Variants in PTPRD observed in about 807,000 individuals in gnomAD.
The protein encoded by PTPRD is receptor-type tyrosine-protein phosphatase delta.
A neutral mutation model predicts 214.5 loss-of-function variants in PTPRD; 34 were observed. The observed-to-expected ratio is 0.16, with a 90% CI of 0.12 to 0.21. PTPRD has a LOEUF of 0.21. PTPRD is among the 10% of genes least tolerant of loss of function. The pLI, the probability that PTPRD is intolerant of heterozygous loss-of-function variation, is 1.00. For synonymous variants in PTPRD, 1,128 were observed against 845.7 expected, an observed-to-expected ratio of 1.33 and a Z score of -5.79; for missense variants, 2,545 against 2,398.7, an observed-to-expected ratio of 1.06 and a Z score of -1.27.
intron 7 of PTPRD, among the ~76,000 whole-genome samples, chr9:9,702,643 C>T (rs1316845290): frequency 6.6e-6 from 1 of 152,124 alleles, no homozygotes; most frequent in Non-Finnish European, 1.5e-5. Context: ...AAAGATATTT[C>T]AGAAAAACGT....
intron 2 of PTPRD, among the ~76,000 whole-genome samples, chr9:10,520,643 G>C (rs192051479): frequency 1.6e-3 from 241 of 152,206 alleles, no homozygotes; most frequent in African/African-American, 5.6e-3. Context: ...GTCGATGCTT[G>C]GCTTCAAAGC....
At chr9:10,163,917 T>C (rs764650737) in intron 3 of PTPRD, among the ~76,000 whole-genome samples, 13 of 151,530 alleles carry the variant, frequency 8.6e-5, no homozygotes, top group Non-Finnish European at 1.8e-4. Context: ...TTTTATTTCA[T>C]ATTTTGCCAT....
intron 4 of PTPRD, among the ~76,000 whole-genome samples, chr9:10,020,142 T>A (rs2096819303): frequency 6.6e-6 from 1 of 152,180 alleles, no homozygotes; most frequent in African/African-American, 2.4e-5. Flanking sequence ...AATACTATCT[T>A]CTATTTTGAA....
At chr9:9,721,704 A>G (rs1168334747) in intron 7 of PTPRD, among the ~76,000 whole-genome samples, 1 of 152,142 alleles carries the variant, frequency 6.6e-6, no homozygotes, top group Non-Finnish European at 1.5e-5. Flanking sequence ...AAATTATTAA[A>G]GAGATAGACC....
At chr9:8,906,256 G>A (rs772127560) in intron 11 of PTPRD, among the ~76,000 whole-genome samples, 3 of 152,138 alleles carry the variant, frequency 2.0e-5, no homozygotes, top group Non-Finnish European at 2.9e-5. Flanking sequence ...AAGTTTGATA[G>A]CAAGGAGCTA....
At chr9:9,395,384 T>C (rs1004263828) in intron 9 of PTPRD, among the ~76,000 whole-genome samples, 1 of 152,136 alleles carries the variant, frequency 6.6e-6, no homozygotes, top group African/African-American at 2.4e-5. Context: ...AGGCTTCATT[T>C]ACCTTGAGAG....
At chr9:10,468,570 C>G (rs1377497369) in intron 2 of PTPRD, among the ~76,000 whole-genome samples, 1 of 152,068 alleles carries the variant, frequency 6.6e-6, no homozygotes, top group Non-Finnish European at 1.5e-5. Context: ...ATGGGTGCAG[C>G]AAACCACCAT....
At chr9:8,953,958 A>G (rs2099117572) in intron 11 of PTPRD, among the ~76,000 whole-genome samples, 1 of 152,112 alleles carries the variant, frequency 6.6e-6, no homozygotes, top group South Asian at 2.1e-4. Context: ...AACTTAAAAC[A>G]GTGCTATAAT....
rs2130590541 is a variant in PTPRD at position 8,404,582 on chromosome 9, C to T, written c.4165G>A (p.Val1389Ile). 6.2e-7 allele frequency: 1 copy of T among 1,613,554 alleles called. No individual in the cohort carries two copies. The highest frequency in any genetic ancestry group is 2.2e-5 in the East Asian group (1 of 44,812). The change falls in exon 36 of 46, where the codon GTA becomes ATA. Residue 1389 changes from valine (V) to isoleucine (I), a missense_variant. Val to Ile is a conservative substitution (Grantham distance 29). Transcript: ENST00000381196. ...VNKPKNRYAN[V>I]IAYDHSRVLL... ...ACCCGGGAATGATCATATGCGATTACATTCGCGTATCTATTCTTTGGTTTG... is the reference window on the plus strand; with the variant it reads ...ACCCGGGAATGATCATATGCGATTATATTCGCGTATCTATTCTTTGGTTTG...
intron 2 of PTPRD, among the ~76,000 whole-genome samples, chr9:10,566,194 T>A (rs1230129984): frequency 6.6e-6 from 1 of 152,004 alleles, no homozygotes; most frequent in Non-Finnish European, 1.5e-5. Context: ...ACTTGTGCCT[T>A]TCCAGGTTTT....
At chr9:9,220,418 A>G (rs2099955140) in intron 9 of PTPRD, among the ~76,000 whole-genome samples, 1 of 151,944 alleles carries the variant, frequency 6.6e-6, no homozygotes. Context: ...ATGAAGGCCA[A>G]TACACTAACT....
At chr9:8,363,592 GCT>G (rs752299308) in intron 39 of PTPRD, among the ~76,000 whole-genome samples, 1 of 152,140 alleles carries the variant, frequency 6.6e-6, no homozygotes, top group Non-Finnish European at 1.5e-5. Flanking sequence ...TGGGGGTTTT[GCT>G]CTTCTCATCC....
At position 9,139,102 on chromosome 9, in the gene PTPRD, C is replaced by T. The variant is rs561756522; in HGVS notation, c.-143+44202G>A. Reference sequence around the variant, plus strand: ...ACTAGCTATGCAGGAGCCCCCCTCCCCCCCGCCCCCACCTTATCCGTGGGG... The same window carrying T: ...ACTAGCTATGCAGGAGCCCCCCTCCTCCCCGCCCCCACCTTATCCGTGGGG... On this transcript the variant is annotated intron_variant, in intron 10 of 45. Coordinates refer to ENST00000381196, the MANE Select transcript of PTPRD (RefSeq NM_002839.4). 9.2e-5 allele frequency among the ~76,000 whole-genome samples: 14 copies of T among 151,832 alleles called. No individual in the cohort carries two copies. In the East Asian group the frequency reaches 2.5e-3, roughly 27 times the overall value.
intron 3 of PTPRD, among the ~76,000 whole-genome samples, chr9:10,156,617 G>T (rs1239470138): frequency 6.6e-6 from 1 of 152,108 alleles, no homozygotes; most frequent in Non-Finnish European, 1.5e-5. Context: ...TTCTTGTTTT[G>T]GGGTAGAGAG....
At chr9:10,047,354 T>A (rs167090) in intron 3 of PTPRD, among the ~76,000 whole-genome samples, 8,368 of 132,460 alleles carry the variant, frequency 0.063, 831 homozygotes, top group African/African-American at 0.21. Flanking sequence ...GTGTGTGTGC[T>A]TGTGTGATAA....
intron 11 of PTPRD, among the ~76,000 whole-genome samples, chr9:8,854,442 A>C (rs748172475): frequency 5.9e-5 from 9 of 152,212 alleles, no homozygotes; most frequent in Non-Finnish European, 1.2e-4. Flanking sequence ...TATGCATAGA[A>C]TCCTTTTAAA....
At chr9:8,633,274 T>C (rs1257854874) in intron 14 of PTPRD, 43 bp downstream of exon 14, 1 of 1,595,016 alleles carries the variant, frequency 6.3e-7, no homozygotes, top group Non-Finnish European at 8.5e-7. Context: ...AGATACAGAA[T>C]TGTAACAATG....
intron 11 of PTPRD, among the ~76,000 whole-genome samples, chr9:8,976,835 A>C (rs1386362978): frequency 6.6e-6 from 1 of 152,108 alleles, no homozygotes; most frequent in Non-Finnish European, 1.5e-5. Flanking sequence ...AAAGCAGTAC[A>C]CTGTACTTGC....
chr9:8,561,628 G>A (rs1455163104), intron 14 of PTPRD, among the ~76,000 whole-genome samples: 2 of 152,074 alleles, frequency 1.3e-5, no homozygotes, highest in Non-Finnish European at 2.9e-5. Flanking sequence ...AGAGTGGAGG[G>A]CACATCACCA....
Sources: allele counts gnomAD v4.1 joint callset (sites outside exome capture counted in the v4.1 genomes callset), GRCh38; gene constraint gnomAD v4.1.1; transcripts MANE v1.5; gene names NCBI Gene and HGNC (gene_info 2026-07-23, HGNC 2026-07-21).